Variants in YWHAB observed in about 807,000 individuals in gnomAD.
YWHAB encodes the protein 14-3-3 protein beta/alpha.
A neutral mutation model predicts 28.5 loss-of-function variants in YWHAB; 2 were observed. The ratio of observed to expected loss-of-function variants is 0.07; its 90% CI spans 0.03 to 0.22. The LOEUF is 0.22. Among genes scored for constraint, YWHAB ranks in the 10% least tolerant of loss-of-function variants. The pLI is 1.00. For synonymous variants in YWHAB, 103 were observed against 104.7 expected, an observed-to-expected ratio of 0.98 and a Z score of 0.10; for missense variants, 148 against 297.1, an observed-to-expected ratio of 0.50 and a Z score of 3.69.
At chr20:44,894,276 C>G (rs780050778) in intron 1 of YWHAB, among the ~76,000 whole-genome samples, 1 of 152,160 alleles carries the variant, frequency 6.6e-6, no homozygotes, top group Non-Finnish European at 1.5e-5. Flanking sequence ...ATGAGTTTGC[C>G]TGCGCCAGTA....
At chr20:44,904,893 T>C (rs1291714793) in intron 3 of YWHAB, 75 bp from the exon 4 acceptor site, 11 of 1,440,300 alleles carry the variant, frequency 7.6e-6, no homozygotes, top group Admixed American at 7.1e-5. Context: ...ACTGAGAAAA[T>C]AATTTGATAG....
chr20:44,890,856 A>G (rs1349972279), intron 1 of YWHAB, among the ~76,000 whole-genome samples: 1 of 152,064 alleles, frequency 6.6e-6, no homozygotes, highest in African/African-American at 2.4e-5. Flanking sequence ...CAGCAGAGAC[A>G]CTTGCATTGC....
At chr20:44,904,220 C>A in intron 3 of YWHAB, 104 bp downstream of exon 3, 1 of 1,415,456 alleles carries the variant, frequency 7.1e-7, no homozygotes, top group Non-Finnish European at 9.7e-7. Context: ...ACACCAATGT[C>A]ACAGTACTAA....
chr20:44,897,225 T>A, intron 1 of YWHAB, among the ~76,000 whole-genome samples: 1 of 152,230 alleles, frequency 6.6e-6, no homozygotes, highest in East Asian at 1.9e-4. Context: ...CTAGTAGAGC[T>A]GAAGAGGTTG....
intron 1 of YWHAB, among the ~76,000 whole-genome samples, chr20:44,892,044 C>A (rs970809778): frequency 6.6e-6 from 1 of 152,166 alleles, no homozygotes; most frequent in Non-Finnish European, 1.5e-5. Context: ...CTTTCTCAGT[C>A]CCTTCTGCAG....
chr20:44,891,385 G>A (rs2066561023), intron 1 of YWHAB, among the ~76,000 whole-genome samples: 1 of 152,200 alleles, frequency 6.6e-6, no homozygotes. Flanking sequence ...GATTACAGGC[G>A]TGAGCCACCA....
In YWHAB at chr20:44,908,171, A is replaced by AAAC. The variant is rs1424924865; in HGVS notation, c.*1736_*1738dup. The AAAC allele has an allele frequency of 6.9e-5, 9 of 131,340 alleles. No homozygotes were observed. The highest frequency in any genetic ancestry group is 3.0e-4 in the African/African-American group (9 of 30,262). The allele number at this position is 131,340 out of a possible 1,614,324, so 8.1% of individuals were successfully genotyped here. On this transcript the variant is annotated 3_prime_UTR_variant, in exon 6 of 6. Coordinates refer to ENST00000353703, the MANE Select transcript of YWHAB (RefSeq NM_139323.4). ...TAAAACAAACCAAAAAAAAAGAAAA[A>AAAC]AACAAAAAAAAAAATCCCTCCTTTC...
intron 1 of YWHAB, among the ~76,000 whole-genome samples, chr20:44,898,781 C>T (rs1286877585): frequency 6.7e-6 from 1 of 149,080 alleles, no homozygotes; most frequent in African/African-American, 2.5e-5. Flanking sequence ...GCTGGGATTA[C>T]AGGCATGAGC....
At chr20:44,904,913 T>C in intron 3 of YWHAB, 55 bp from the exon 4 acceptor site, 1 of 1,499,150 alleles carries the variant, frequency 6.7e-7, no homozygotes, top group Non-Finnish European at 8.9e-7. Flanking sequence ...GTTGGTCCAA[T>C]GTGTGATACC....
intron 1 of YWHAB, among the ~76,000 whole-genome samples, chr20:44,888,939 C>T (rs565798317): frequency 1.1e-3 from 160 of 152,262 alleles, no homozygotes; most frequent in African/African-American, 3.7e-3. Flanking sequence ...AATATATCTA[C>T]GTAAATAGAG....
intron 1 of YWHAB, among the ~76,000 whole-genome samples, chr20:44,892,714 T>G (rs2066570036): frequency 6.6e-6 from 1 of 152,242 alleles, no homozygotes; most frequent in African/African-American, 2.4e-5. Context: ...GTTCATTATC[T>G]TATTTGATAG....
intron 1 of YWHAB, among the ~76,000 whole-genome samples, chr20:44,895,706 G>A (rs1046808998): frequency 3.9e-5 from 6 of 152,174 alleles, no homozygotes; most frequent in African/African-American, 1.4e-4. Context: ...GGTCTCAAGC[G>A]ATGCTCCAGC....
chr20:44,905,865 G>C, intron 4 of YWHAB, 136 bp from the exon 5 acceptor site: 1 of 648,750 alleles, frequency 1.5e-6, no homozygotes, highest in Non-Finnish European at 2.7e-6. Context: ...ACAGCTAACA[G>C]ACAGGGTAAT....
At chr20:44,903,932 TCAAA>T (rs2066641487) in intron 2 of YWHAB, 57 bp from the exon 3 acceptor site, 1 of 1,556,172 alleles carries the variant, frequency 6.4e-7, no homozygotes, top group Non-Finnish European at 8.6e-7. Flanking sequence ...ATCTTGAATC[TCAAA>T]CATAGTTTTA....
intron 4 of YWHAB, 87 bp from the exon 5 acceptor site, chr20:44,905,914 A>T (rs1331521401): frequency 2.9e-5 from 28 of 957,890 alleles, no homozygotes; most frequent in Middle Eastern, 6.0e-4. Flanking sequence ...ACAAGAAGAT[A>T]AGTTATATTC....
intron 1 of YWHAB, among the ~76,000 whole-genome samples, chr20:44,889,071 T>A (rs1040029373): frequency 2.0e-5 from 3 of 152,218 alleles, no homozygotes; most frequent in Non-Finnish European, 4.4e-5. Flanking sequence ...AGAGATACTT[T>A]TAAGTTCCTT....
rs1055910292 is a variant in YWHAB at position 44,885,757 on chromosome 20, C to T, written c.-133C>T. 1 of 180,002 alleles carries T rather than the reference C, an allele frequency of 5.6e-6. No homozygotes were observed. Among genetic ancestry groups the T allele is most frequent in the South Asian group, 9.6e-5 (1 of 10,364 alleles). 11.2% of individuals were successfully genotyped at this position (180,002 alleles called of 1,614,324 possible). ...GCCGATTCCGGAGCCGGGGTAGTCG[C>T]CGCCGCCGCCGCCGCTGCAGCCACT... On this transcript the variant is annotated 5_prime_UTR_variant, in exon 1 of 6. Transcript: ENST00000353703.
At chr20:44,891,348 A>C (rs1037452426) in intron 1 of YWHAB, among the ~76,000 whole-genome samples, 1 of 151,654 alleles carries the variant, frequency 6.6e-6, no homozygotes, top group African/African-American at 2.4e-5. Context: ...TCAAGTGATC[A>C]CCCTCCTCGG....
intron 1 of YWHAB, among the ~76,000 whole-genome samples, chr20:44,889,000 C>T (rs372291314): frequency 2.0e-5 from 3 of 152,154 alleles, no homozygotes; most frequent in African/African-American, 7.2e-5. Flanking sequence ...CTTTCGGTGT[C>T]AACAAACTGA....
Sources: gnomAD v4.1 joint callset for allele counts (sites outside exome capture counted in the v4.1 genomes callset) on GRCh38, gnomAD v4.1.1 for gene constraint, MANE v1.5 for transcripts, NCBI Gene and HGNC (gene_info 2026-07-23, HGNC 2026-07-21) for gene names.